The following OPA1 variants were observed in gnomAD, a reference collection of about 807,000 sequenced individuals.
OPA1 encodes dynamin-like GTPase OPA1, mitochondrial.
OPA1 carries 59 observed loss-of-function variants against 152.9 expected under a neutral mutation model. The observed-to-expected ratio is 0.39, with a 90% confidence interval of 0.31 to 0.48. The LOEUF (loss-of-function observed/expected upper bound fraction) is 0.48, where lower values mean the gene tolerates loss of function less well. Among genes scored for constraint, OPA1 ranks in the 20% least tolerant of loss-of-function variants. OPA1 has a pLI of 0.96. For missense variants in OPA1, 1,008 were observed against 1,216.8 expected, an observed-to-expected ratio of 0.83 and a Z score of 2.55; for synonymous variants, 400 against 389.9, an observed-to-expected ratio of 1.03 and a Z score of -0.31.
rs1722190335 is a variant in OPA1, at chr3:193,695,664, C to G, written c.*1064C>G. ...ATTTTTTAATTGGCTAAAGGACATT[C>G]AAGCAAAGAAATGCTTTCTTTACTT... On this transcript the variant is annotated 3_prime_UTR_variant, in exon 31 of 31. Transcript: ENST00000361510. 2 of 152,174 alleles carry G rather than the reference C, an allele frequency of 1.3e-5. No individual in the cohort carries two copies. The highest frequency in any genetic ancestry group is 4.1e-4 in the South Asian group (2 of 4,828). 9.4% of individuals were successfully genotyped at this position (152,174 alleles called of 1,614,324 possible). A position where few individuals can be genotyped will look rare whatever the true frequency, so the allele number is the denominator to read the frequency against.
At chr3:193,649,994 G>A (rs555064403) in intron 21 of OPA1, among the ~76,000 whole-genome samples, 12 of 152,252 alleles carry the variant, frequency 7.9e-5, no homozygotes, top group African/African-American at 2.2e-4. Flanking sequence ...GGCATTTAAT[G>A]TATATAAAAG....
In OPA1 at chr3:193,642,791, T is replaced by C. The variant is rs372782168; in HGVS notation, c.1176T>C (p.His392=). 41 of 1,613,418 alleles carry C rather than the reference T, an allele frequency of 2.5e-5. No homozygotes were observed. Among genetic ancestry groups the C allele is most frequent in the Non-Finnish European group, 3.4e-5 (40 of 1,179,512 alleles). The change falls in exon 12 of 31, where the codon CAT becomes CAC. Residue 392 remains histidine (H), a synonymous_variant. Transcript: ENST00000361510. ...TGACTCTGAGTGAAGGTCCTCACCATGTGGCCCTATTTAAAGATAGTTCTC... is the reference window on the plus strand; with the variant it reads ...TGACTCTGAGTGAAGGTCCTCACCACGTGGCCCTATTTAAAGATAGTTCTC... ...VKVTLSEGPH[H]VALFKDSSRE... is the part of the protein sequence containing the mutation.
chr3:193,680,272 G>A (rs1050268501), intron 29 of OPA1, among the ~76,000 whole-genome samples: 12 of 151,934 alleles, frequency 7.9e-5, no homozygotes, highest in Admixed American at 3.3e-4. Context: ...TGATTCATTC[G>A]TCTGTTATGC....
chr3:193,664,882 T>A lies in OPA1; in HGVS notation c.2664T>A (p.Ile888=). The A allele has an allele frequency of 6.6e-7, 1 of 1,504,778 alleles. No homozygotes were observed. The highest frequency in any genetic ancestry group is 9.3e-7 in the Non-Finnish European group (1 of 1,081,054). The allele number at this position is 1,504,778 out of a possible 1,614,324, so 93.2% of individuals were successfully genotyped here. The part of the protein sequence containing the change: ...SRGVEVDPSL[I]KDTWHQVYRR... ...GGCTTTCTTTTTTCTCATTTTAGAT[T>A]AAGGATACTTGGCATCAAGTTTATA... Residue 888 remains isoleucine (I), a splice_region_variant and synonymous_variant, in exon 27 of 31, where the codon ATT becomes ATA. Transcript: ENST00000361510.
At chr3:193,604,401 A>C (rs540825072) in intron 1 of OPA1, among the ~76,000 whole-genome samples, 27 of 152,324 alleles carry the variant, frequency 1.8e-4, no homozygotes, top group Admixed American at 1.8e-3. Flanking sequence ...GCTATTAAGG[A>C]AAAATTTGGA....
At chr3:193,674,912 C>A (rs1718649366) in intron 29 of OPA1, among the ~76,000 whole-genome samples, 1 of 152,174 alleles carries the variant, frequency 6.6e-6, no homozygotes, top group Non-Finnish European at 1.5e-5. Context: ...GGGGCTCTGC[C>A]ATGTGTATTT....
chr3:193,645,071 AAG>A (rs2109053509), intron 16 of OPA1, among the ~76,000 whole-genome samples: 1 of 152,176 alleles, frequency 6.6e-6, no homozygotes, highest in South Asian at 2.1e-4. Flanking sequence ...CCAAATATTA[AAG>A]AAGAAGGTGG....
At chr3:193,610,781 C>T (rs907697948) in intron 1 of OPA1, among the ~76,000 whole-genome samples, 3 of 152,360 alleles carry the variant, frequency 2.0e-5, no homozygotes, top group African/African-American at 7.2e-5. Context: ...AGTTTGATCT[C>T]AGACTGCTGT....
chr3:193,631,081 G>C (rs961171168), intron 7 of OPA1, among the ~76,000 whole-genome samples: 2 of 152,100 alleles, frequency 1.3e-5, no homozygotes, highest in Non-Finnish European at 2.9e-5. Context: ...AATGCAACTT[G>C]TTCTTTGCAT....
chr3:193,687,867 A>G (rs533281771), intron 29 of OPA1, among the ~76,000 whole-genome samples: 7 of 152,358 alleles, frequency 4.6e-5, no homozygotes, highest in Middle Eastern at 3.4e-3. Flanking sequence ...CTGCAAGTGA[A>G]TATGTATACA....
rs571738457 is a variant in OPA1, at chr3:193,655,305, ATATTTGCTTGAG to A, written c.2178+290_2178+301del. ...CAAGCAAATTTTGCTTGAATATGAA[ATATTTGCTTGAG>A]TATTTGCTTGAATGTGAAATATTTT... On this transcript the variant is annotated intron_variant, in intron 22 of 30. Coordinates refer to ENST00000361510, the MANE Select transcript of OPA1 (RefSeq NM_130837.3). 3.9e-3 allele frequency among the ~76,000 whole-genome samples: 592 copies of A among 152,292 alleles called. 1 individual carries two copies. The highest frequency in any genetic ancestry group is 6.9e-3 in the Non-Finnish European group (472 of 68,008).
intron 1 of OPA1, among the ~76,000 whole-genome samples, chr3:193,604,720 C>T (rs1299395728): frequency 1.6e-4 from 25 of 151,638 alleles, no homozygotes; most frequent in African/African-American, 5.8e-4. Flanking sequence ...ATTAGCCAGG[C>T]GTGGTGGTGC....
chr3:193,653,411 C>G (rs1309706170), intron 21 of OPA1, among the ~76,000 whole-genome samples: 1 of 152,116 alleles, frequency 6.6e-6, no homozygotes. Context: ...TTCTGCTACC[C>G]TGAGATTTGT....
chr3:193,669,295 T>C (rs1717395305), intron 29 of OPA1, among the ~76,000 whole-genome samples: 1 of 152,250 alleles, frequency 6.6e-6, no homozygotes, highest in Admixed American at 6.5e-5. Context: ...TTTCCTTTTC[T>C]TTCTTCCTTT....
rs757486140 is a variant in OPA1 at position 193,642,959 on chromosome 3, TTG to T, written c.1231-12_1231-11del. 6 of 1,610,430 alleles carry T rather than the reference TTG, an allele frequency of 3.7e-6. No individual in the cohort carries two copies. Among genetic ancestry groups the T allele is most frequent in the African/African-American group, 1.3e-5 (1 of 74,836 alleles). On this transcript the variant is annotated splice_polypyrimidine_tract_variant and intron_variant, in intron 12 of 30. Coordinates refer to ENST00000361510, the MANE Select transcript of OPA1 (RefSeq NM_130837.3). Reference sequence around the variant, plus strand: ...GATTTTCTTAGATTTTCTTAGGATTTTGTGTTTTCCATTAGCTTGCAGCATTA... The same window carrying T: ...GATTTTCTTAGATTTTCTTAGGATTTTGTTTTCCATTAGCTTGCAGCATTA...
chr3:193,651,782 T>C (rs1471127918), intron 21 of OPA1, among the ~76,000 whole-genome samples: 1 of 152,128 alleles, frequency 6.6e-6, no homozygotes, highest in Admixed American at 6.5e-5. Flanking sequence ...TACGTAGACA[T>C]AATTTTTTTA....
chr3:193,605,947 T>C (rs1236101447), intron 1 of OPA1, among the ~76,000 whole-genome samples: 6 of 152,200 alleles, frequency 3.9e-5, no homozygotes, highest in African/African-American at 1.4e-4. Context: ...ATAAGGACTA[T>C]ACACAACTCC....
At chr3:193,669,393 G>A (rs1717422551) in intron 29 of OPA1, among the ~76,000 whole-genome samples, 1 of 152,146 alleles carries the variant, frequency 6.6e-6, no homozygotes, top group African/African-American at 2.4e-5. Context: ...CCTTGGCAAT[G>A]TAGTTAAGTT....
Position 193,634,747 on chromosome 3 carries a change from A to G in OPA1, c.844-671A>G, listed in dbSNP as rs369591226. ...AAATAGTAATATATTATCTCTGGAC[A>G]TGGAAACATAACAAAACATAGAAGA... On this transcript the variant is annotated intron_variant, in intron 8 of 30. Coordinates refer to ENST00000361510, the MANE Select transcript of OPA1 (RefSeq NM_130837.3). Among the ~76,000 whole-genome samples the G allele has an allele frequency of 7.2e-5, 11 of 152,146 alleles. No individual in the cohort carries two copies. In the South Asian group the frequency reaches 1.2e-3, roughly 17 times the overall value.
Sources: allele counts gnomAD v4.1 joint callset (sites outside exome capture counted in the v4.1 genomes callset), GRCh38; gene constraint gnomAD v4.1.1; transcripts MANE v1.5; gene names NCBI Gene and HGNC (gene_info 2026-07-23, HGNC 2026-07-21).